The following PLCB3 variants were observed in gnomAD, a reference collection of about 807,000 sequenced individuals.
PLCB3 encodes the protein 1-phosphatidylinositol 4,5-bisphosphate phosphodiesterase beta-3.
In PLCB3, 54 loss-of-function variants were observed where a neutral mutation model predicts 152.1. That is an observed-to-expected ratio of 0.36 (90% CI 0.29 to 0.45). The LOEUF is 0.45. Among genes scored for constraint, PLCB3 ranks in the 20% least tolerant of loss-of-function variants. The probability of loss-of-function intolerance (pLI) is 1.00; values close to 1 mark genes in which losing one functional copy is unlikely to be tolerated. For synonymous variants in PLCB3, 717 were observed against 698.7 expected (o/e 1.03, Z -0.41); for missense variants, 1,248 against 1,687.5 (o/e 0.74, Z 4.56).
chr11:64,261,538 C>G (rs1260007541), intron 15 of PLCB3, 42 bp downstream of exon 15: 2 of 1,611,648 alleles, frequency 1.2e-6, no homozygotes, highest in Non-Finnish European at 1.7e-6. Flanking sequence ...TTGCCCAGCT[C>G]AGCCCTGCCA....
Position 64,255,849 on chromosome 11 carries a change from C to A in PLCB3, c.698+28C>A. ...GAGTGGGCCCGGCCTGCCTCACAAC[C>A]CCTGTGCTCTGTGTTTAGCTTCTGC... On this transcript the variant is annotated intron_variant, in intron 8 of 30. Transcript: ENST00000279230. The surrounding 1 kb of genome is among the most constrained non-coding windows in gnomAD (Gnocchi z 6.8). The A allele has an allele frequency of 2.0e-6, 3 of 1,475,080 alleles. No homozygotes were observed. The highest frequency in any genetic ancestry group is 2.8e-6 in the Non-Finnish European group (3 of 1,053,230). The allele number at this position is 1,475,080 out of a possible 1,614,324, so 91.4% of individuals were successfully genotyped here.
At chr11:64,269,360 C>T (rs1052333839), downstream of PLCB3, among the ~76,000 whole-genome samples, 2 of 152,220 alleles carry the variant, frequency 1.3e-5, no homozygotes, top group Non-Finnish European at 2.9e-5. Flanking sequence ...AGAACCGGCC[C>T]GGGTTATAGG....
intron 21 of PLCB3, 54 bp from the exon 22 acceptor site, chr11:64,263,967 G>T (rs2031984178): frequency 7.2e-7 from 1 of 1,385,492 alleles, no homozygotes; most frequent in Non-Finnish European, 1.0e-6. Context: ...GGTGGCGGGT[G>T]GGGGTGGCCT....
chr11:64,256,879 G>A, intron 10 of PLCB3, 115 bp downstream of exon 10: 1 of 1,183,508 alleles, frequency 8.4e-7, no homozygotes, highest in Non-Finnish European at 1.2e-6. Flanking sequence ...GGCCAGTGCT[G>A]GGGATGCAGG....
Position 64,254,438 on chromosome 11 carries a change from G to T in PLCB3, c.123G>T (p.Val41=). 6.2e-7 allele frequency: 1 copy of T among 1,613,978 alleles called. No homozygotes were observed. The highest frequency in any genetic ancestry group is 8.5e-7 in the Non-Finnish European group (1 of 1,179,974). Residue 41 remains valine, a synonymous_variant, in exon 2 of 31, where the codon GTG becomes GTT. Coordinates refer to ENST00000279230, the MANE Select transcript of PLCB3 (RefSeq NM_000932.5). ...AGGAGACCTCCAGTCGGAACCTGGT[G>T]ACCCTGCGTGTGGACCCCAATGGCT... ...WDEETSSRNL[V]TLRVDPNGFF... is the part of the protein sequence containing the mutation.
rs1236686919 is a variant in PLCB3 at position 64,260,116 on chromosome 11, T to C, written c.1613T>C (p.Leu538Pro). The stretch of plus-strand genomic sequence containing the variant: ...CCCAGCCTGGAGCCTCAGAAGTCTC[T>C]GGGTGACGAGGGCCTGAACCGAGGC... ...EKPSLEPQKS[L>P]GDEGLNRGPY... The change falls in exon 14 of 31, where the codon CTG becomes CCG. Residue 538 changes from leucine (L) to proline (P), a missense_variant. Coordinates refer to ENST00000279230, the MANE Select transcript of PLCB3 (RefSeq NM_000932.5). The C allele has an allele frequency of 6.2e-7, 1 of 1,612,144 alleles. No homozygotes were observed. Among genetic ancestry groups the C allele is most frequent in the South Asian group, 1.1e-5 (1 of 90,820 alleles).
In PLCB3 at chr11:64,251,820, C is replaced by G. The variant is rs192467905; in HGVS notation, c.99+72C>G. On this transcript the variant is annotated intron_variant, in intron 1 of 30. Transcript: ENST00000279230. ...GTCAAGCTCGACCAGACGCTGGGGA[C>G]CCCCACCCCAGCCTCGCCTGCCCGT... The G allele has an allele frequency of 3.2e-3, 2,857 of 901,264 alleles. 54 individuals are homozygous for G. The Middle Eastern group carries it at 0.084, about 27-fold the overall frequency. 55.8% of individuals were successfully genotyped at this position (901,264 alleles called of 1,614,324 possible).
chr11:64,267,461 C>G lies in PLCB3; in HGVS notation c.3610C>G (p.Leu1204Val), dbSNP rs1391785279. ...EMPEGLGDGP[L>V]VACASNGHAP... Reference sequence around the variant, plus strand: ...GCCGGAGGGGCTGGGGGACGGGCCTCTGGTGGCCTGTGCCAGCAACGGTCA... The same window carrying G: ...GCCGGAGGGGCTGGGGGACGGGCCTGTGGTGGCCTGTGCCAGCAACGGTCA... Residue 1204 changes from leucine (L) to valine (V), a missense_variant, in exon 31 of 31, where the codon CTG becomes GTG. Coordinates refer to ENST00000279230, the MANE Select transcript of PLCB3 (RefSeq NM_000932.5). The surrounding 1 kb of genome is among the most constrained non-coding windows in gnomAD (Gnocchi z 5.2). 2 of 1,559,474 alleles carry G rather than the reference C, an allele frequency of 1.3e-6. No homozygotes were observed.
rs1426619584 is a variant in PLCB3, at chr11:64,265,233, G to A, written c.2842+6G>A. 6.3e-7 allele frequency: 1 copy of A among 1,597,960 alleles called. No homozygotes were observed. The highest frequency in any genetic ancestry group is 1.7e-5 in the Admixed American group (1 of 58,544). The stretch of plus-strand genomic sequence containing the variant: ...CATCGCCAGCATCCTCTCAGGTAGG[G>A]GGCGGGGTACCTGGAGGCAGGGGGC... On this transcript the variant is annotated splice_donor_region_variant and intron_variant, in intron 24 of 30. Coordinates refer to ENST00000279230, the MANE Select transcript of PLCB3 (RefSeq NM_000932.5).
rs762240790 is a variant in PLCB3 at position 64,261,575 on chromosome 11, C to T, written c.1829-6C>T. ...GTCTGACGCCCTTTCTTGGCTCACC[C>T]CTAAGAGAGGAACAAATGCTTCGAG... On this transcript the variant is annotated splice_region_variant and splice_polypyrimidine_tract_variant and intron_variant, in intron 15 of 30. Coordinates refer to ENST00000279230, the MANE Select transcript of PLCB3 (RefSeq NM_000932.5). 2 of 1,614,050 alleles carry T rather than the reference C, an allele frequency of 1.2e-6. No individual in the cohort carries two copies. The highest frequency in any genetic ancestry group is 1.1e-5 in the South Asian group (1 of 91,082).
In PLCB3 at chr11:64,262,826, A is replaced by ACCCG. The variant is rs1368249437; in HGVS notation, c.2355+22_2355+25dup. On this transcript the variant is annotated intron_variant, in intron 19 of 30. Coordinates refer to ENST00000279230, the MANE Select transcript of PLCB3 (RefSeq NM_000932.5). ...TCCCCAAGGTGAGCCTGGCCCCTGC[A>ACCCG]CCCGCCCAGGCACAGGCAGATCCAG... The ACCCG allele has an allele frequency of 1.2e-6, 2 of 1,609,340 alleles. No homozygotes were observed. Among genetic ancestry groups the ACCCG allele is most frequent in the African/African-American group, 2.7e-5 (2 of 74,864 alleles).
At chr11:64,261,345 G>A (rs1454917817) in intron 14 of PLCB3, 55 bp from the exon 15 acceptor site, 5 of 1,300,700 alleles carry the variant, frequency 3.8e-6, no homozygotes, top group Non-Finnish European at 5.6e-6. Flanking sequence ...GGCAGGTGAG[G>A]GAATGGCCAG....
intron 10 of PLCB3, among the ~76,000 whole-genome samples, chr11:64,256,997 C>CTTTTTT (rs5792316): frequency 0.19 from 11,499 of 61,138 alleles, 1,641 homozygotes; most frequent in Non-Finnish European, 0.26. Context: ...CTTCAGGGTC[C>CTTTTTT]TTTTTTTTTT....
chr11:64,259,360 C>A, intron 13 of PLCB3, 116 bp downstream of exon 13: 2 of 899,624 alleles, frequency 2.2e-6, no homozygotes, highest in Non-Finnish European at 3.3e-6. Context: ...CGCTGTGCGC[C>A]TGTTCCCACA....
chr11:64,256,795 C>T (rs2135045757), intron 10 of PLCB3, 31 bp downstream of exon 10: 2 of 1,608,010 alleles, frequency 1.2e-6, no homozygotes, highest in Non-Finnish European at 1.7e-6. Flanking sequence ...GCACCCGTGA[C>T]CTCTGCCCTG....
Position 64,266,679 on chromosome 11 carries a change from C to T in PLCB3, c.3414+127C>T, listed in dbSNP as rs2032139333. 1 of 880,398 alleles carries T rather than the reference C, an allele frequency of 1.1e-6. No homozygotes were observed. Among genetic ancestry groups the T allele is most frequent in the Non-Finnish European group, 1.8e-6 (1 of 542,494 alleles). The allele number at this position is 880,398 out of a possible 1,614,324, so 54.5% of individuals were successfully genotyped here. On this transcript the variant is annotated intron_variant, in intron 29 of 30. Coordinates refer to ENST00000279230, the MANE Select transcript of PLCB3 (RefSeq NM_000932.5). This position sits in a 1 kb window ranked among gnomAD's most constrained non-coding sequence, Gnocchi z 4.9. Reference sequence around the variant, plus strand: ...TCTAGGGCCTTTCTCAAGTGCCCAACAGCCCCAGGGTACCCACATCATACC... The same window carrying T: ...TCTAGGGCCTTTCTCAAGTGCCCAATAGCCCCAGGGTACCCACATCATACC...
intron 19 of PLCB3, 44 bp downstream of exon 19, chr11:64,262,852 C>T: frequency 1.3e-6 from 2 of 1,578,904 alleles, no homozygotes; most frequent in Non-Finnish European, 1.7e-6. Flanking sequence ...GCAGATCCAG[C>T]CCAGACCGCC....
In PLCB3 at chr11:64,251,639, C is replaced by T; in HGVS notation, c.-11C>T. The T allele has an allele frequency of 1.4e-6, 2 of 1,440,694 alleles. No homozygotes were observed. Among genetic ancestry groups the T allele is most frequent in the Non-Finnish European group, 1.8e-6 (2 of 1,088,668 alleles). 89.2% of individuals were successfully genotyped at this position (1,440,694 alleles called of 1,614,324 possible). ...GGCTCCGTGGGTCCCCGACCCGCCC[C>T]TGGCCGGGCCATGGCGGGCGCCCAG... is the stretch of plus-strand genomic sequence containing the variant. On this transcript the variant is annotated 5_prime_UTR_variant, in exon 1 of 31. Coordinates refer to ENST00000279230, the MANE Select transcript of PLCB3 (RefSeq NM_000932.5).
chr11:64,262,899 C>A (rs1433341679), intron 19 of PLCB3, 91 bp downstream of exon 19: 3 of 1,345,816 alleles, frequency 2.2e-6, no homozygotes, highest in African/African-American at 2.9e-5. Context: ...CCAGGCACAC[C>A]GTTGGCGACT....
Sources: allele counts gnomAD v4.1 joint callset (sites outside exome capture counted in the v4.1 genomes callset), GRCh38; gene constraint gnomAD v4.1.1; non-coding constraint Gnocchi (gnomAD v3.1); transcripts MANE v1.5; gene names NCBI Gene and HGNC (gene_info 2026-07-23, HGNC 2026-07-21).